The following AP1AR variants were observed in gnomAD, a reference collection of about 807,000 sequenced individuals.
AP1AR encodes the protein AP-1 complex-associated regulatory protein.
A neutral mutation model predicts 46.3 loss-of-function variants in AP1AR; 29 were observed. That is an observed-to-expected ratio of 0.63 (90% CI 0.47 to 0.85). AP1AR has a LOEUF of 0.85. AP1AR is among the 40% of genes least tolerant of loss of function. The pLI is 0.00. For missense variants in AP1AR, 357 were observed against 356.3 expected (o/e 1.00, Z -0.02); for synonymous variants, 122 against 122.9 (o/e 0.99, Z 0.05).
Position 112,272,525 on chromosome 4 carries a change from C to G in AP1AR, c.*4116C>G, listed in dbSNP as rs548817497. Among the ~76,000 whole-genome samples, 1 of 152,196 alleles carries G rather than the reference C, an allele frequency of 6.6e-6. No individual in the cohort carries two copies. Among genetic ancestry groups the G allele is most frequent in the South Asian group, 2.1e-4 (1 of 4,822 alleles). On this transcript the variant is annotated 3_prime_UTR_variant, in exon 10 of 10. Transcript: ENST00000274000. ...GCATAACTTCAATCACCAAAAGGCCCTTCCAGATACTGGCAAACCACTGCA... is the reference window on the plus strand; with the variant it reads ...GCATAACTTCAATCACCAAAAGGCCGTTCCAGATACTGGCAAACCACTGCA...
chr4:112,234,636 A>G (rs7666510), intron 1 of AP1AR, among the ~76,000 whole-genome samples: 94,187 of 150,930 alleles, frequency 0.62, 30,957 homozygotes, highest in African/African-American at 0.83. Flanking sequence ...TACTTGTGCA[A>G]TAAGGTTAAA....
At chr4:112,233,438 C>A (rs772330130) in intron 1 of AP1AR, among the ~76,000 whole-genome samples, 4 of 152,196 alleles carry the variant, frequency 2.6e-5, no homozygotes, top group Non-Finnish European at 5.9e-5. Flanking sequence ...CATCCAGGAT[C>A]ATCTGGTTTA....
intron 7 of AP1AR, 189 bp downstream of exon 7, chr4:112,265,256 A>T: frequency 2.0e-6 from 1 of 489,646 alleles, no homozygotes; most frequent in Non-Finnish European, 3.6e-6. Context: ...TTATTAATTT[A>T]AACTGACTTT....
intron 1 of AP1AR, among the ~76,000 whole-genome samples, chr4:112,247,100 A>T (rs1725756583): frequency 6.6e-6 from 1 of 152,176 alleles, no homozygotes; most frequent in South Asian, 2.1e-4. Flanking sequence ...TGTGTCCCCA[A>T]GGAAGAGACT....
intron 4 of AP1AR, among the ~76,000 whole-genome samples, chr4:112,258,437 G>T (rs1283012071): frequency 6.6e-6 from 1 of 152,136 alleles, no homozygotes; most frequent in Non-Finnish European, 1.5e-5. Context: ...AGAACATCCT[G>T]GTCTGGGAGA....
intron 1 of AP1AR, among the ~76,000 whole-genome samples, chr4:112,239,206 T>G (rs1391739298): frequency 1.3e-5 from 2 of 152,194 alleles, no homozygotes; most frequent in African/African-American, 4.8e-5. Context: ...TGAAACCTTA[T>G]GTAGACTCCA....
Position 112,272,917 on chromosome 4 carries a change from A to AAT in AP1AR, c.*4509_*4510dup, listed in dbSNP as rs1038706331. On this transcript the variant is annotated 3_prime_UTR_variant, in exon 10 of 10. Coordinates refer to ENST00000274000, the MANE Select transcript of AP1AR (RefSeq NM_018569.6). ...AACTATGTAAACATGTCCTAATCAT[A>AAT]ATTTCTTGAGAATACAGACATCTAA... 6.6e-6 allele frequency: 1 copy of AAT among 152,118 alleles called. No homozygotes were observed. Among genetic ancestry groups the AAT allele is most frequent in the African/African-American group, 2.4e-5 (1 of 41,440 alleles). The allele number at this position is 152,118 out of a possible 1,614,324, so 9.4% of individuals were successfully genotyped here. A position where few individuals can be genotyped will look rare whatever the true frequency, so the allele number is the denominator to read the frequency against.
At chr4:112,238,774 T>C (rs1725358032) in intron 1 of AP1AR, among the ~76,000 whole-genome samples, 1 of 152,240 alleles carries the variant, frequency 6.6e-6, no homozygotes, top group Non-Finnish European at 1.5e-5. Flanking sequence ...GTCATCTCAG[T>C]CTGAGCTCTG....
rs745628129 is a variant in AP1AR, at chr4:112,260,810, A to G, written c.230A>G (p.Tyr77Cys). 1 of 1,607,580 alleles carries G rather than the reference A, an allele frequency of 6.2e-7. No individual in the cohort carries two copies. Among genetic ancestry groups the G allele is most frequent in the South Asian group, 1.1e-5 (1 of 89,252 alleles). Residue 77 changes from tyrosine (Y) to cysteine (C), a missense_variant, in exon 5 of 10, where the codon TAT (tyrosine) becomes TGT (cysteine). Physicochemically the swap from Tyr to Cys is radical, Grantham distance 194 (BLOSUM62 -2). Around this residue, in one of 2 missense-constraint regions of AP1AR, gnomAD observed 269 missense variants for 223.6 expected, o/e 1.20. Coordinates refer to ENST00000274000, the MANE Select transcript of AP1AR (RefSeq NM_018569.6). ...EEIVDLRERH[Y>C]DSIAEKQKDL... is the part of the protein sequence containing the mutation. Reference sequence around the variant, plus strand: ...ATTGTTGACCTAAGAGAAAGGCATTATGATTCCATTGCCGAAAAACAAAAA... The same window carrying G: ...ATTGTTGACCTAAGAGAAAGGCATTGTGATTCCATTGCCGAAAAACAAAAA...
rs572307818 is a variant in AP1AR at position 112,269,453 on chromosome 4, A to G, written c.*1044A>G. 2.0e-5 allele frequency: 3 copies of G among 152,582 alleles called. No individual in the cohort carries two copies. Among genetic ancestry groups the G allele is most frequent in the African/African-American group, 4.8e-5 (2 of 41,546 alleles). 9.5% of individuals were successfully genotyped at this position (152,582 alleles called of 1,614,324 possible). A position where few individuals can be genotyped will look rare whatever the true frequency, so the allele number is the denominator to read the frequency against. Reference sequence around the variant, plus strand: ...ATTACTGTTCTTTTCTCTAAAATGTATATGTCAATTTACAAGGCCAGGGAT... The same window carrying G: ...ATTACTGTTCTTTTCTCTAAAATGTGTATGTCAATTTACAAGGCCAGGGAT... On this transcript the variant is annotated 3_prime_UTR_variant, in exon 10 of 10. Coordinates refer to ENST00000274000, the MANE Select transcript of AP1AR (RefSeq NM_018569.6).
At chr4:112,265,898 GTTCT>G in intron 8 of AP1AR, 91 bp downstream of exon 8, 1 of 783,018 alleles carries the variant, frequency 1.3e-6, no homozygotes, top group South Asian at 2.0e-5. Flanking sequence ...AGAACTTTCT[GTTCT>G]TAAATTTGTA....
intron 5 of AP1AR, among the ~76,000 whole-genome samples, chr4:112,261,963 T>C (rs1008159603): frequency 6.7e-6 from 1 of 149,966 alleles, no homozygotes; most frequent in Non-Finnish European, 1.5e-5. Context: ...AGCAAGACCC[T>C]GTCTCAAAAA....
intron 1 of AP1AR, among the ~76,000 whole-genome samples, chr4:112,242,952 A>G (rs1176679505): frequency 6.6e-6 from 1 of 152,206 alleles, no homozygotes; most frequent in Non-Finnish European, 1.5e-5. Flanking sequence ...AAGAGGAAAA[A>G]GTACACTTCT....
At chr4:112,254,869 TG>T (rs2110482206) in intron 3 of AP1AR, 96 bp downstream of exon 3, 1 of 626,366 alleles carries the variant, frequency 1.6e-6, no homozygotes, top group African/African-American at 1.9e-5. Flanking sequence ...TTATTATTTT[TG>T]TTTTAGAATT....
rs539763352 is a variant in AP1AR at position 112,248,416 on chromosome 4, C to CT, written c.84-4787dup. ...ATTTTAAATTTTGTTGGTATGTTAG[C>CT]TTTTTAAAAAAAACAGTTCTTAATA... On this transcript the variant is annotated intron_variant, in intron 1 of 9. Transcript: ENST00000274000. 2.4e-4 allele frequency among the ~76,000 whole-genome samples: 36 copies of CT among 151,948 alleles called. No homozygotes were observed. The East Asian group carries it at 6.6e-3, about 28-fold the overall frequency.
intron 6 of AP1AR, 60 bp downstream of exon 6, chr4:112,263,146 A>G: frequency 7.5e-7 from 1 of 1,339,994 alleles, no homozygotes; most frequent in Non-Finnish European, 1.0e-6. Context: ...TTCTCTGACA[A>G]ATCTTAGTTG....
intron 1 of AP1AR, among the ~76,000 whole-genome samples, chr4:112,248,376 A>G (rs914097063): frequency 4.6e-5 from 7 of 152,236 alleles, no homozygotes; most frequent in Non-Finnish European, 1.0e-4. Context: ...CACATTAGAT[A>G]ATATTAAAGA....
At chr4:112,265,162 C>A in intron 7 of AP1AR, 95 bp downstream of exon 7, 1 of 863,466 alleles carries the variant, frequency 1.2e-6, no homozygotes, top group Non-Finnish European at 1.7e-6. Context: ...TATACGCATT[C>A]ATGTTTATGT....
Sources: gnomAD v4.1 joint callset for allele counts (sites outside exome capture counted in the v4.1 genomes callset) on GRCh38, gnomAD v4.1.1 for gene constraint, gnomAD v4.1.1 regional missense constraint, MANE v1.5 for transcripts, NCBI Gene and HGNC (gene_info 2026-07-23, HGNC 2026-07-21) for gene names.